WDPCP: variants seen among roughly 807,000 people sequenced by gnomAD.
WDPCP encodes WD repeat-containing and planar cell polarity effector protein fritz homolog.
In WDPCP, 71 loss-of-function variants were observed where a neutral mutation model predicts 93.1. That is an observed-to-expected ratio of 0.76 (90% CI 0.63 to 0.93). WDPCP has a LOEUF of 0.93. WDPCP is among the 40% of genes least tolerant of loss of function. The pLI, the probability that WDPCP is intolerant of heterozygous loss-of-function variation, is 0.00. For synonymous variants in WDPCP, 315 were observed against 315.0 expected (o/e 1.00, Z 0.00); for missense variants, 844 against 887.4 (o/e 0.95, Z 0.62).
chr2:63,148,861 AACACAC>A (rs60091903), intron 17 of WDPCP, among the ~76,000 whole-genome samples: 60 of 149,098 alleles, frequency 4.0e-4, no homozygotes, highest in South Asian at 6.5e-4. Context: ...CACAGGAGCC[AACACAC>A]ACACACACAC....
At chr2:63,714,801 C>A (rs1669311064) in intron 2 of WDPCP, among the ~76,000 whole-genome samples, 1 of 152,210 alleles carries the variant, frequency 6.6e-6, no homozygotes, top group African/African-American at 2.4e-5. Context: ...TGCACTCCAG[C>A]CTGGGTGAGA....
intron 3 of WDPCP, among the ~76,000 whole-genome samples, chr2:63,649,885 A>G (rs982962623): frequency 5.9e-5 from 9 of 152,214 alleles, no homozygotes; most frequent in African/African-American, 1.9e-4. Context: ...TCAGAAACCA[A>G]AGAGACAGAC....
chr2:63,715,871 C>T (rs78834401), intron 2 of WDPCP, among the ~76,000 whole-genome samples: 2,525 of 152,142 alleles, frequency 0.017, 21 homozygotes, highest in African/African-American at 0.017. Flanking sequence ...CCAGTGAGGG[C>T]TAGGGAAATA....
At chr2:63,522,784 AC>A (rs1415048795) in intron 1 of WDPCP, among the ~76,000 whole-genome samples, 2 of 152,160 alleles carry the variant, frequency 1.3e-5, no homozygotes, top group African/African-American at 4.8e-5. Flanking sequence ...CCCTGGAAAG[AC>A]CAATAAGTAG....
chr2:63,799,855 G>A (rs1045939179), intron 2 of WDPCP, among the ~76,000 whole-genome samples: 2 of 152,084 alleles, frequency 1.3e-5, no homozygotes, highest in South Asian at 4.1e-4. Context: ...TAAGGGCAAT[G>A]TAATGAACTC....
intron 15 of WDPCP, among the ~76,000 whole-genome samples, chr2:63,156,303 C>G (rs1410654923): frequency 2.0e-5 from 3 of 152,048 alleles, no homozygotes; most frequent in Non-Finnish European, 4.4e-5. Flanking sequence ...ATGCCAGGCC[C>G]ATTTATTTTA....
chr2:63,550,192 AACACAC>A (rs56155473), intron 1 of WDPCP, among the ~76,000 whole-genome samples: 3,005 of 44,284 alleles, frequency 0.068, 53 homozygotes, highest in Non-Finnish European at 0.073. Flanking sequence ...CATCTTAAGA[AACACAC>A]ACACACACAC....
At chr2:63,371,460 A>G (rs569383081) in intron 12 of WDPCP, among the ~76,000 whole-genome samples, 2 of 152,152 alleles carry the variant, frequency 1.3e-5, no homozygotes, top group East Asian at 3.9e-4. Flanking sequence ...GAGTTCCCCT[A>G]TTATTCAAGA....
intron 2 of WDPCP, among the ~76,000 whole-genome samples, chr2:63,749,830 G>A (rs920942641): frequency 2.0e-5 from 3 of 151,996 alleles, no homozygotes; most frequent in East Asian, 1.9e-4. Context: ...GACAAACTAG[G>A]TGCCTATTCT....
intron 1 of WDPCP, among the ~76,000 whole-genome samples, chr2:63,581,518 T>C (rs2106549802): frequency 6.6e-6 from 1 of 152,240 alleles, no homozygotes; most frequent in Non-Finnish European, 1.5e-5. Flanking sequence ...AACTTTGTGA[T>C]TCACAGTCAT....
chr2:63,141,240 G>T (rs1291390794), intron 17 of WDPCP, among the ~76,000 whole-genome samples: 5 of 151,994 alleles, frequency 3.3e-5, no homozygotes, highest in Non-Finnish European at 5.9e-5. Flanking sequence ...CACCAGGCCC[G>T]GCTAATTTTT....
At chr2:63,190,624 T>A (rs1280349226) in intron 14 of WDPCP, among the ~76,000 whole-genome samples, 1 of 152,086 alleles carries the variant, frequency 6.6e-6, no homozygotes, top group East Asian at 1.9e-4. Flanking sequence ...AGAAAAAAAA[T>A]TTATATTAAC....
rs540186625 is a variant in WDPCP at position 63,215,435 on chromosome 2, C to T, written c.1916-40603G>A. ...CTGCAACCATCTGATCTTTGACAAA[C>T]CTGACAAAAACAAGAAATGGGGAAA... On this transcript the variant is annotated intron_variant, in intron 14 of 17. Coordinates refer to ENST00000272321, the MANE Select transcript of WDPCP (RefSeq NM_015910.7). 3.6e-4 allele frequency among the ~76,000 whole-genome samples: 55 copies of T among 152,222 alleles called. 1 individual carries two copies. Among genetic ancestry groups the T allele is most frequent in the Middle Eastern group, 3.4e-3 (1 of 294 alleles).
chr2:63,826,655 A>C (rs945328239), intron 1 of WDPCP, among the ~76,000 whole-genome samples: 2 of 152,164 alleles, frequency 1.3e-5, no homozygotes, highest in African/African-American at 4.8e-5. Context: ...GCATAACCAA[A>C]ATAGAGAAAT....
At chr2:63,444,852 A>G (rs1461731734) in intron 6 of WDPCP, among the ~76,000 whole-genome samples, 1 of 152,192 alleles carries the variant, frequency 6.6e-6, no homozygotes, top group Non-Finnish European at 1.5e-5. Flanking sequence ...CTTCCTTATT[A>G]TTCCTGCTCT....
chr2:63,619,683 C>T (rs1376962709), intron 3 of WDPCP, among the ~76,000 whole-genome samples: 1 of 152,206 alleles, frequency 6.6e-6, no homozygotes, highest in African/African-American at 2.4e-5. Flanking sequence ...AATATTAGCA[C>T]CATGTAACTG....
intron 2 of WDPCP, among the ~76,000 whole-genome samples, chr2:63,654,902 A>T (rs1030138389): frequency 1.3e-5 from 2 of 152,064 alleles, no homozygotes; most frequent in African/African-American, 4.8e-5. Context: ...GGAACCACAG[A>T]TATGGGGGAC....
Position 63,538,069 on chromosome 2 carries a change from T to G in WDPCP, c.76-45129A>C, listed in dbSNP as rs1704436574. On this transcript the variant is annotated intron_variant, in intron 1 of 17. Coordinates refer to ENST00000272321, the MANE Select transcript of WDPCP (RefSeq NM_015910.7). Reference sequence around the variant, plus strand: ...AACAAGGTTTTGGGGTTTTTTTAATTTCAGATAGGTCAAAATAAATCTTAA... The same window carrying G: ...AACAAGGTTTTGGGGTTTTTTTAATGTCAGATAGGTCAAAATAAATCTTAA... 2.6e-5 allele frequency among the ~76,000 whole-genome samples: 4 copies of G among 152,210 alleles called. No homozygotes were observed. In the South Asian group the frequency reaches 8.3e-4, roughly 32 times the overall value.
chr2:63,603,468 C>T (rs1709468319), intron 3 of WDPCP, among the ~76,000 whole-genome samples: 1 of 152,052 alleles, frequency 6.6e-6, no homozygotes, highest in Non-Finnish European at 1.5e-5. Context: ...AAGAATTGCC[C>T]ACAATGTCAC....
Sources: gnomAD v4.1 joint callset for allele counts (sites outside exome capture counted in the v4.1 genomes callset) on GRCh38, gnomAD v4.1.1 for gene constraint, MANE v1.5 for transcripts, NCBI Gene and HGNC (gene_info 2026-07-23, HGNC 2026-07-21) for gene names.